Variants in DPP10 observed in about 807,000 individuals in gnomAD.
DPP10 encodes inactive dipeptidyl peptidase 10.
A neutral mutation model predicts 120.9 loss-of-function variants in DPP10; 33 were observed. That is an observed-to-expected ratio of 0.27 (90% CI 0.21 to 0.37). DPP10 has a LOEUF of 0.37. Among genes scored for constraint, DPP10 ranks in the 10% least tolerant of loss-of-function variants. DPP10 has a pLI of 1.00. For missense variants in DPP10, 816 were observed against 942.8 expected, an observed-to-expected ratio of 0.87 and a Z score of 1.76; for synonymous variants, 337 against 326.1, an observed-to-expected ratio of 1.03 and a Z score of -0.36.
At chr2:115,192,384 C>T (rs1191760299) in intron 1 of DPP10, among the ~76,000 whole-genome samples, 1 of 152,196 alleles carries the variant, frequency 6.6e-6, no homozygotes, top group Non-Finnish European at 1.5e-5. Flanking sequence ...TAATCTTTTA[C>T]TAAGCAATTG....
At chr2:115,130,625 A>G (rs1024335576) in intron 1 of DPP10, among the ~76,000 whole-genome samples, 8 of 151,984 alleles carry the variant, frequency 5.3e-5, no homozygotes, top group African/African-American at 1.9e-4. Context: ...CAACTACCAG[A>G]TCCAGAGCTA....
chr2:115,836,411 A>G (rs1689533715), intron 22 of DPP10, 96 bp from the exon 23 acceptor site: 1 of 1,496,880 alleles, frequency 6.7e-7, no homozygotes. Flanking sequence ...ATTTTACTAA[A>G]GCATGACAAT....
chr2:115,455,150 C>G (rs1332787153), intron 3 of DPP10, among the ~76,000 whole-genome samples: 1 of 151,356 alleles, frequency 6.6e-6, no homozygotes, highest in Non-Finnish European at 1.5e-5. Context: ...GTTGCTAAAA[C>G]AAATTGAAGA....
chr2:115,458,641 T>C (rs909674534), intron 3 of DPP10, among the ~76,000 whole-genome samples: 1 of 152,076 alleles, frequency 6.6e-6, no homozygotes, highest in Non-Finnish European at 1.5e-5. Flanking sequence ...TGGATATATA[T>C]ACACACACAC....
At chr2:115,506,987 G>A (rs974432320) in intron 4 of DPP10, among the ~76,000 whole-genome samples, 2 of 151,076 alleles carry the variant, frequency 1.3e-5, no homozygotes, top group South Asian at 2.1e-4. Flanking sequence ...ATATTGCCTC[G>A]TGAACAAAGG....
intron 1 of DPP10, among the ~76,000 whole-genome samples, chr2:115,129,725 C>T (rs1276589985): frequency 6.6e-6 from 1 of 152,138 alleles, no homozygotes; most frequent in African/African-American, 2.4e-5. Flanking sequence ...TTCTCTGTGT[C>T]CTTACTTCTC....
At chr2:115,264,106 G>T (rs1390500490) in intron 1 of DPP10, among the ~76,000 whole-genome samples, 1 of 152,094 alleles carries the variant, frequency 6.6e-6, no homozygotes, top group Non-Finnish European at 1.5e-5. Flanking sequence ...AACTTTTGAG[G>T]CTTTTCAAGA....
At chr2:115,249,805 A>G (rs2058679873) in intron 1 of DPP10, among the ~76,000 whole-genome samples, 1 of 152,164 alleles carries the variant, frequency 6.6e-6, no homozygotes, top group Non-Finnish European at 1.5e-5. Context: ...GGAAAGGAAG[A>G]GTAAATCTAT....
intron 3 of DPP10, among the ~76,000 whole-genome samples, chr2:115,377,187 A>T (rs1318496699): frequency 1.3e-5 from 2 of 151,960 alleles, no homozygotes; most frequent in African/African-American, 2.4e-5. Flanking sequence ...AAGTGTTCGT[A>T]TTTCTCCACA....
intron 1 of DPP10, among the ~76,000 whole-genome samples, chr2:115,187,734 G>A (rs747597678): frequency 1.3e-5 from 2 of 152,242 alleles, no homozygotes; most frequent in Non-Finnish European, 2.9e-5. Context: ...TGGTGTGGTG[G>A]CTCTCGCCTG....
intron 1 of DPP10, among the ~76,000 whole-genome samples, chr2:114,830,943 C>T (rs12615913): frequency 3.5e-5 from 5 of 142,914 alleles, no homozygotes; most frequent in South Asian, 2.2e-4. Flanking sequence ...CCCCTTGTTT[C>T]GTGTTTGGCA....
At chr2:114,524,685 G>A (rs888124405) in intron 1 of DPP10, among the ~76,000 whole-genome samples, 2 of 152,174 alleles carry the variant, frequency 1.3e-5, no homozygotes, top group African/African-American at 2.4e-5. Context: ...TTCAGCAGAG[G>A]AAAGCTATAG....
chr2:115,176,357 TATGTA>T (rs1426034802), intron 1 of DPP10, among the ~76,000 whole-genome samples: 1 of 148,766 alleles, frequency 6.7e-6, no homozygotes, highest in Admixed American at 6.7e-5. Context: ...ATATTTATAT[TATGTA>T]ATGTAATCAA....
At chr2:115,563,247 G>T (rs572721421) in intron 5 of DPP10, among the ~76,000 whole-genome samples, 1 of 152,032 alleles carries the variant, frequency 6.6e-6, no homozygotes, top group Non-Finnish European at 1.5e-5. Flanking sequence ...CATGGTAGTC[G>T]TCCTCAATAT....
chr2:114,816,953 G>A (rs545567053), intron 1 of DPP10, among the ~76,000 whole-genome samples: 2 of 152,072 alleles, frequency 1.3e-5, no homozygotes, highest in East Asian at 1.9e-4. Context: ...TGTTGTCTGC[G>A]CATGATATAG....
chr2:114,998,956 CACTT>C (rs1466108263), intron 1 of DPP10, among the ~76,000 whole-genome samples: 1 of 152,156 alleles, frequency 6.6e-6, no homozygotes, highest in East Asian at 1.9e-4. Flanking sequence ...TGACTGAACA[CACTT>C]AGATGACCCA....
intron 3 of DPP10, among the ~76,000 whole-genome samples, chr2:115,463,454 G>T (rs1162098061): frequency 1.3e-5 from 2 of 152,184 alleles, no homozygotes; most frequent in Non-Finnish European, 2.9e-5. Flanking sequence ...AGGTTTTTAG[G>T]ATGGAAGGAA....
intron 7 of DPP10, among the ~76,000 whole-genome samples, chr2:115,707,968 TAAAG>T (rs898084407): frequency 1.3e-5 from 2 of 151,826 alleles, no homozygotes; most frequent in African/African-American, 4.8e-5. Context: ...ACTTCCAAAG[TAAAG>T]AAAAAGGTGG....
intron 1 of DPP10, among the ~76,000 whole-genome samples, chr2:114,752,559 C>T (rs1392104830): frequency 3.9e-5 from 6 of 152,152 alleles, no homozygotes; most frequent in South Asian, 2.1e-4. Flanking sequence ...TGTTACTCAC[C>T]GCCAAGAGCC....
Sources: allele counts gnomAD v4.1 joint callset (sites outside exome capture counted in the v4.1 genomes callset), GRCh38; gene constraint gnomAD v4.1.1; transcripts MANE v1.5; gene names NCBI Gene and HGNC (gene_info 2026-07-23, HGNC 2026-07-21).